UNC13C: variants seen among roughly 807,000 people sequenced by gnomAD.
The protein encoded by UNC13C is protein unc-13 homolog C.
A neutral mutation model predicts 245.4 loss-of-function variants in UNC13C; 174 were observed. The observed-to-expected ratio is 0.71, with a 90% confidence interval of 0.63 to 0.80. The LOEUF is 0.80. UNC13C is among the 30% of genes least tolerant of loss of function. UNC13C has a pLI of 0.00. For synonymous variants in UNC13C, 992 were observed against 895.1 expected (o/e 1.11, Z -1.93); for missense variants, 2,829 against 2,602.9 (o/e 1.09, Z -1.89).
chr15:54,124,328 ATTTG>A (rs1052298773), intron 2 of UNC13C, among the ~76,000 whole-genome samples: 1 of 152,044 alleles, frequency 6.6e-6, no homozygotes, highest in African/African-American at 2.4e-5. Context: ...TTTTTGTTTT[ATTTG>A]TTCTATTAAA....
chr15:54,609,385 G>A (rs1899953210), intron 30 of UNC13C: 1 of 152,198 alleles, frequency 6.6e-6, no homozygotes, highest in Admixed American at 6.5e-5. Context: ...ATTTGTTCAT[G>A]ATAGCTGCTT....
intron 29 of UNC13C, among the ~76,000 whole-genome samples, chr15:54,563,691 A>G (rs933239451): frequency 1.3e-5 from 2 of 152,090 alleles, no homozygotes; most frequent in Non-Finnish European, 2.9e-5. Context: ...AATGCCCATT[A>G]TAATGAGTAG....
the UNC13C span, among the ~76,000 whole-genome samples, chr15:53,881,285 C>G: frequency 6.6e-6 from 1 of 152,114 alleles, no homozygotes; most frequent in Admixed American, 6.6e-5. Flanking sequence ...CCAAAGCTTG[C>G]GTGGTTATGG....
At chr15:54,310,746 CTATATCTA>C (rs775915753) in intron 13 of UNC13C, among the ~76,000 whole-genome samples, 1 of 61,166 alleles carries the variant, frequency 1.6e-5, no homozygotes, top group Non-Finnish European at 3.2e-5. Flanking sequence ...TTTTATATAT[CTATATCTA>C]TATCTATATC....
intron 4 of UNC13C, among the ~76,000 whole-genome samples, chr15:54,230,138 G>GT (rs2140812520): frequency 1.4e-5 from 1 of 70,772 alleles, no homozygotes. Flanking sequence ...TGGTAGTTCT[G>GT]TTTTTTACTT....
At chr15:53,934,500 G>A in the UNC13C span, among the ~76,000 whole-genome samples, 2 of 152,122 alleles carry the variant, frequency 1.3e-5, no homozygotes, top group Non-Finnish European at 2.9e-5. Flanking sequence ...AAATCAGAAG[G>A]TAAAGCCAAG....
chr15:54,336,252 A>G (rs1217542205), intron 16 of UNC13C, among the ~76,000 whole-genome samples: 1 of 152,088 alleles, frequency 6.6e-6, no homozygotes, highest in Non-Finnish European at 1.5e-5. Flanking sequence ...AATCTAGCTA[A>G]TTAACGTATG....
intron 28 of UNC13C, among the ~76,000 whole-genome samples, chr15:54,554,716 TG>T (rs1897022640): frequency 6.6e-6 from 1 of 152,076 alleles, no homozygotes; most frequent in African/African-American, 2.4e-5. Context: ...GTATCAGTTT[TG>T]GGGGATCAGA....
chr15:53,884,468 C>G, the UNC13C span, among the ~76,000 whole-genome samples: 1 of 152,164 alleles, frequency 6.6e-6, no homozygotes, highest in African/African-American at 2.4e-5. Flanking sequence ...GCTGAGACTA[C>G]TGGTGCATGC....
At chr15:54,230,169 A>G (rs4774689) in intron 4 of UNC13C, among the ~76,000 whole-genome samples, 74,744 of 151,738 alleles carry the variant, frequency 0.49, 19,652 homozygotes, top group African/African-American at 0.67. Context: ...TCTACACCTC[A>G]TTTTCCACAA....
intron 2 of UNC13C, among the ~76,000 whole-genome samples, chr15:54,059,736 T>C (rs1269699449): frequency 6.6e-6 from 1 of 152,016 alleles, no homozygotes; most frequent in Non-Finnish European, 1.5e-5. Flanking sequence ...GCTACAGTAA[T>C]CAAAACAGCA....
chr15:54,458,352 A>C (rs1455414787), intron 19 of UNC13C, among the ~76,000 whole-genome samples: 1 of 152,060 alleles, frequency 6.6e-6, no homozygotes, highest in African/African-American at 2.4e-5. Context: ...AAAAGAATGT[A>C]TATTCTGCAG....
intron 2 of UNC13C, among the ~76,000 whole-genome samples, chr15:54,025,718 A>G (rs1018726983): frequency 1.4e-4 from 22 of 152,178 alleles, no homozygotes; most frequent in African/African-American, 4.8e-4. Context: ...TGTCAGTAGA[A>G]CTGCAATTAC....
the UNC13C span, among the ~76,000 whole-genome samples, chr15:53,908,572 T>TACAAACAA: frequency 1.0e-3 from 148 of 142,940 alleles, 1 homozygote; most frequent in African/African-American, 3.7e-3. Context: ...ACCTTGTCTC[T>TACAAACAA]ACAAACAAAC....
chr15:54,621,146 A>C (rs941212873), intron 30 of UNC13C, among the ~76,000 whole-genome samples: 3 of 152,150 alleles, frequency 2.0e-5, no homozygotes, highest in Non-Finnish European at 2.9e-5. Flanking sequence ...AATCTTGATG[A>C]TTCTCTCAAG....
chr15:54,327,956 AAG>A (rs1390196907), intron 14 of UNC13C, among the ~76,000 whole-genome samples: 2 of 152,096 alleles, frequency 1.3e-5, no homozygotes, highest in African/African-American at 4.8e-5. Context: ...GGGGCAGAAA[AAG>A]AATTTACTGT....
intron 4 of UNC13C, among the ~76,000 whole-genome samples, chr15:54,201,448 T>G (rs1237181265): frequency 6.6e-6 from 1 of 151,650 alleles, no homozygotes; most frequent in Non-Finnish European, 1.5e-5. Context: ...TAACAGCATA[T>G]CAAAAAGATA....
Position 54,220,363 on chromosome 15 carries a change from G to A in UNC13C, c.3072-14667G>A, listed in dbSNP as rs1412843262. Among the ~76,000 whole-genome samples the A allele has an allele frequency of 2.7e-3, 380 of 142,376 alleles. 1 individual carries two copies. Among genetic ancestry groups the A allele is most frequent in the African/African-American group, 9.6e-3 (354 of 36,948 alleles). 93.4% of individuals were successfully genotyped at this position (142,376 alleles called of 152,430 possible). ...TGGCAAGGACAAGGAACCAAACAGC[G>A]CATGTTCTCACTCATAGATGGGAAT... On this transcript the variant is annotated intron_variant, in intron 4 of 32. Coordinates refer to ENST00000260323, the MANE Select transcript of UNC13C (RefSeq NM_001080534.3).
At chr15:54,113,369 T>A (rs181600782) in intron 2 of UNC13C, among the ~76,000 whole-genome samples, 1 of 152,070 alleles carries the variant, frequency 6.6e-6, no homozygotes. Context: ...ATTTTAACAG[T>A]TGGTTAAAGA....
Sources: gnomAD v4.1 joint callset for allele counts (sites outside exome capture counted in the v4.1 genomes callset) on GRCh38, gnomAD v4.1.1 for gene constraint, MANE v1.5 for transcripts, NCBI Gene and HGNC (gene_info 2026-07-23, HGNC 2026-07-21) for gene names.